Variants in ANKRD30B observed in about 807,000 individuals in gnomAD.
The protein encoded by ANKRD30B is ankyrin repeat domain 30B.
Under a neutral mutation model 202.2 loss-of-function variants are expected in ANKRD30B, and 144 were observed. The observed-to-expected ratio is 0.71, with a 90% CI of 0.62 to 0.82. The LOEUF is 0.82. Ranked by LOEUF, ANKRD30B falls within the 40% of genes least tolerant of loss-of-function variation. ANKRD30B has a pLI of 0.00. For missense variants in ANKRD30B, 1,487 were observed against 1,669.1 expected, an observed-to-expected ratio of 0.89 and a Z score of 1.90; for synonymous variants, 508 against 561.3, an observed-to-expected ratio of 0.91 and a Z score of 1.34.
chr18:14,864,303 C>G, the ANKRD30B span, among the ~76,000 whole-genome samples: 1 of 152,094 alleles, frequency 6.6e-6, no homozygotes, highest in East Asian at 1.9e-4. Context: ...CCACTGCACT[C>G]CAGCCTGGGC....
intron 30 of ANKRD30B, among the ~76,000 whole-genome samples, chr18:14,821,069 A>G (rs946980936): frequency 6.6e-6 from 1 of 152,172 alleles, no homozygotes; most frequent in Non-Finnish European, 1.5e-5. Context: ...CAGAGATTCA[A>G]CTTCTTCCTG....
At chr18:14,775,103 G>A (rs1223955991) in intron 9 of ANKRD30B, among the ~76,000 whole-genome samples, 1 of 152,098 alleles carries the variant, frequency 6.6e-6, no homozygotes, top group Admixed American at 6.6e-5. Flanking sequence ...CTCCAGCCTG[G>A]GTGACAGAGC....
chr18:14,865,316 C>CCTCCTGCTTGCCACTCTCTCT, the ANKRD30B span, among the ~76,000 whole-genome samples: 1 of 151,396 alleles, frequency 6.6e-6, no homozygotes, highest in African/African-American at 2.4e-5. Context: ...ACCTTCTCTC[C>CCTCCTGCTTGCCACTCTCTCT]CTCCTGCTTG....
At chr18:14,749,113 T>C (rs920799641) in intron 1 of ANKRD30B, among the ~76,000 whole-genome samples, 3 of 152,234 alleles carry the variant, frequency 2.0e-5, no homozygotes, top group Non-Finnish European at 4.4e-5. Flanking sequence ...CATTTTGATA[T>C]CAATGAATGT....
chr18:14,846,158 A>C (rs1044167522), intron 39 of ANKRD30B, among the ~76,000 whole-genome samples: 2 of 151,088 alleles, frequency 1.3e-5, no homozygotes, highest in Admixed American at 6.6e-5. Context: ...GAAAAGCTTT[A>C]TTTAAGTGCT....
At chr18:14,866,401 G>A in the ANKRD30B span, among the ~76,000 whole-genome samples, 2,596 of 152,152 alleles carry the variant, frequency 0.017, 81 homozygotes, top group African/African-American at 0.06. Flanking sequence ...GATCATGGCC[G>A]GAGTGGTAGG....
At chr18:14,925,164 G>GTC in the ANKRD30B span, among the ~76,000 whole-genome samples, 1 of 152,218 alleles carries the variant, frequency 6.6e-6, no homozygotes, top group Admixed American at 6.5e-5. Context: ...TGGAATCTGA[G>GTC]TGGAGGGTCA....
intron 22 of ANKRD30B, among the ~76,000 whole-genome samples, chr18:14,800,532 G>A (rs1598642625): frequency 6.6e-6 from 1 of 151,118 alleles, no homozygotes; most frequent in Non-Finnish European, 1.5e-5. Context: ...CACCATGTTA[G>A]CCAGGATGAT....
the ANKRD30B span, among the ~76,000 whole-genome samples, chr18:14,892,208 T>A: frequency 6.6e-6 from 1 of 152,232 alleles, no homozygotes; most frequent in Admixed American, 6.5e-5. Context: ...TGCACAAGCT[T>A]AGAGTGTCTT....
downstream of ANKRD30B, among the ~76,000 whole-genome samples, chr18:14,858,761 G>C (rs1203434551): frequency 1.4e-5 from 2 of 140,832 alleles, no homozygotes; most frequent in Admixed American, 6.9e-5. Flanking sequence ...CCTCCCAGGG[G>C]GGGCAGCCAG....
At chr18:14,915,288 G>T in the ANKRD30B span, among the ~76,000 whole-genome samples, 1 of 152,282 alleles carries the variant, frequency 6.6e-6, no homozygotes, top group South Asian at 2.1e-4. Flanking sequence ...TCCTACCAAT[G>T]TGGTTGTTTT....
the ANKRD30B span, among the ~76,000 whole-genome samples, chr18:14,934,945 C>CAT: frequency 1.4e-3 from 210 of 150,416 alleles, no homozygotes; most frequent in African/African-American, 5.0e-3. Flanking sequence ...CACACACACA[C>CAT]ACACCCCATC....
chr18:14,798,800 C>G (rs1469637742), intron 20 of ANKRD30B, among the ~76,000 whole-genome samples: 1 of 152,134 alleles, frequency 6.6e-6, no homozygotes, highest in East Asian at 1.9e-4. Context: ...TAGCACATCA[C>G]CCACTGTTGG....
chr18:14,820,069 G>A (rs1461019139), intron 30 of ANKRD30B, among the ~76,000 whole-genome samples: 1 of 152,012 alleles, frequency 6.6e-6, no homozygotes, highest in Non-Finnish European at 1.5e-5. Flanking sequence ...CCTTGAAGAG[G>A]TCCTTCACAT....
At chr18:14,914,160 C>T in the ANKRD30B span, among the ~76,000 whole-genome samples, 5 of 152,188 alleles carry the variant, frequency 3.3e-5, no homozygotes, top group African/African-American at 1.2e-4. Context: ...GTTGATTGGT[C>T]TGGAAATTCA....
At chr18:14,820,482 T>A (rs909653316) in intron 30 of ANKRD30B, among the ~76,000 whole-genome samples, 6 of 152,180 alleles carry the variant, frequency 3.9e-5, no homozygotes, top group Non-Finnish European at 8.8e-5. Flanking sequence ...CCATTCAGTA[T>A]GATATTGGCT....
Position 14,751,471 on chromosome 18 carries a change from A to G in ANKRD30B, c.222-1095A>G, listed in dbSNP as rs182168418. ...ATTGGAGTATTAGGACTGAATCTCA[A>G]TTAAGCTTTTCCTCTCATGTTTCAA... On this transcript the variant is annotated intron_variant, in intron 1 of 43. Coordinates refer to ENST00000690538, the MANE Select transcript of ANKRD30B (RefSeq NM_001367607.2). 6.6e-5 allele frequency among the ~76,000 whole-genome samples: 10 copies of G among 152,256 alleles called. No homozygotes were observed. The East Asian group carries it at 1.7e-3, about 26-fold the overall frequency.
the ANKRD30B span, among the ~76,000 whole-genome samples, chr18:14,873,889 A>T: frequency 2.0e-5 from 3 of 152,132 alleles, no homozygotes; most frequent in African/African-American, 7.2e-5. Flanking sequence ...TGCACTCCTC[A>T]TTAGGGAGAT....
the ANKRD30B span, among the ~76,000 whole-genome samples, chr18:14,862,432 T>G: frequency 6.6e-6 from 1 of 152,116 alleles, no homozygotes; most frequent in African/African-American, 2.4e-5. Context: ...AAATTACAAA[T>G]GAGACATTGC....
Sources: allele counts gnomAD v4.1 joint callset (sites outside exome capture counted in the v4.1 genomes callset), GRCh38; gene constraint gnomAD v4.1.1; transcripts MANE v1.5; gene names NCBI Gene and HGNC (gene_info 2026-07-23, HGNC 2026-07-21).